HEATR5B: variants seen among roughly 807,000 people sequenced by gnomAD.
HEATR5B encodes HEAT repeat-containing protein 5B.
HEATR5B carries 156 observed loss-of-function variants against 224.1 expected under a neutral mutation model. The ratio of observed to expected loss-of-function variants is 0.70; its 90% confidence interval spans 0.61 to 0.80. The LOEUF is 0.80. Among genes scored for constraint, HEATR5B ranks in the 30% least tolerant of loss-of-function variants. The pLI, the probability that HEATR5B is intolerant of heterozygous loss-of-function variation, is 0.00. For synonymous variants in HEATR5B, 1,027 were observed against 893.0 expected (o/e 1.15, Z -2.68); for missense variants, 2,323 against 2,535.5 (o/e 0.92, Z 1.80).
intron 33 of HEATR5B, among the ~76,000 whole-genome samples, chr2:36,992,600 A>G (rs1187596365): frequency 1.3e-5 from 2 of 152,148 alleles, no homozygotes; most frequent in African/African-American, 4.8e-5. Flanking sequence ...CAAACAAACA[A>G]AAAACCTAAA....
At chr2:37,013,627 G>T (rs561224622) in intron 27 of HEATR5B, among the ~76,000 whole-genome samples, 3 of 152,264 alleles carry the variant, frequency 2.0e-5, no homozygotes, top group Admixed American at 6.5e-5. Context: ...TTATATTTTT[G>T]AGTTTTTCCT....
intron 26 of HEATR5B, among the ~76,000 whole-genome samples, chr2:37,019,458 CTCTT>C (rs1385796557): frequency 4.0e-5 from 6 of 150,928 alleles, no homozygotes; most frequent in Admixed American, 6.6e-5. Context: ...TTTCCTCTCT[CTCTT>C]TTTTTTTTTT....
rs975910121 is a variant in HEATR5B, at chr2:37,007,272, T to C, written c.4555A>G (p.Thr1519Ala). 1.2e-6 allele frequency: 2 copies of C among 1,613,676 alleles called. No individual in the cohort carries two copies. Among genetic ancestry groups the C allele is most frequent in the African/African-American group, 2.7e-5 (2 of 74,752 alleles). Residue 1519 changes from threonine to alanine, a missense_variant, in exon 29 of 36, where the codon ACA becomes GCA. Thr to Ala is a moderately conservative substitution (Grantham distance 58). Coordinates refer to ENST00000233099, the MANE Select transcript of HEATR5B (RefSeq NM_019024.3). ...GAATTCCGATAGTGAAGTCTAGCTG[T>C]ATCAATAGTTTCAGGGGTATAAAAT... The part of the protein sequence containing the change: ...GAFYTPETID[T>A]ARLHYRNSWA...
intron 3 of HEATR5B, among the ~76,000 whole-genome samples, chr2:37,077,510 G>A (rs928610330): frequency 7.2e-5 from 11 of 152,164 alleles, no homozygotes; most frequent in African/African-American, 2.7e-4. Context: ...GTTTCACCAC[G>A]TTAGCCAGGC....
intron 35 of HEATR5B, among the ~76,000 whole-genome samples, chr2:36,986,010 T>C (rs1271082387): frequency 6.6e-6 from 1 of 152,148 alleles, no homozygotes; most frequent in East Asian, 1.9e-4. Context: ...CTATCTGTCC[T>C]CATGCTAAAT....
intron 24 of HEATR5B, among the ~76,000 whole-genome samples, chr2:37,022,970 G>C (rs143488269): frequency 1.2e-3 from 175 of 151,910 alleles, no homozygotes; most frequent in African/African-American, 4.0e-3. Context: ...AAGAGAGAGA[G>C]AGAAAAAAAT....
intron 27 of HEATR5B, among the ~76,000 whole-genome samples, chr2:37,013,327 A>T (rs1667909333): frequency 6.7e-6 from 1 of 149,160 alleles, no homozygotes; most frequent in African/African-American, 2.4e-5. Flanking sequence ...AATGAATTTA[A>T]AACAATGTAA....
At chr2:37,035,159 G>A (rs1402768005) in intron 21 of HEATR5B, among the ~76,000 whole-genome samples, 1 of 152,130 alleles carries the variant, frequency 6.6e-6, no homozygotes, top group Non-Finnish European at 1.5e-5. Flanking sequence ...ATGGTGACTG[G>A]CAAAGCCTAA....
At position 37,057,614 on chromosome 2, in the gene HEATR5B, C is replaced by A. The variant is rs114963094; in HGVS notation, c.2060-134G>T. The A allele has an allele frequency of 3.4e-5, 19 of 565,122 alleles. No individual in the cohort carries two copies. In the East Asian group the frequency reaches 4.8e-4, roughly 14 times the overall value. 35.0% of individuals were successfully genotyped at this position (565,122 alleles called of 1,614,324 possible). ...CTCTGTTCTCTTCTTTAAAAAAAAT[C>A]TATATTTAAATGCTGGTTTTAATAT... On this transcript the variant is annotated intron_variant, in intron 14 of 35. Transcript: ENST00000233099.
intron 33 of HEATR5B, 77 bp downstream of exon 33, chr2:37,000,509 A>C (rs1054154244): frequency 8.8e-7 from 1 of 1,141,382 alleles, no homozygotes; most frequent in African/African-American, 1.5e-5. Flanking sequence ...CAGTTTTCTG[A>C]TAAGCTTATT....
Position 37,020,810 on chromosome 2 carries a change from CAG to C in HEATR5B, c.3878_3879del (p.Ser1293Ter). The C allele has an allele frequency of 6.4e-7, 1 of 1,569,670 alleles. No individual in the cohort carries two copies. Among genetic ancestry groups the C allele is most frequent in the Admixed American group, 2.2e-5 (1 of 46,504 alleles). The stretch of plus-strand genomic sequence containing the variant: ...GCCATGAATGCCATGCGAATGAGGT[CAG>C]AGAGATGAAGTACCAAGAGGTCATC... Reference protein sequence around the residue: ...PTNDLLVLHLSDLIRMAFMAA... With the variant: ...PTNDLLVLHLXDLIRMAFMAA... On this transcript the variant is annotated frameshift_variant, in exon 25 of 36. Transcript: ENST00000233099. LOFTEE classifies it high-confidence loss of function.
chr2:37,028,559 A>C (rs533823567), intron 23 of HEATR5B, 122 bp downstream of exon 23: 2 of 710,400 alleles, frequency 2.8e-6, no homozygotes, highest in African/African-American at 3.6e-5. Context: ...TGTAGATCAA[A>C]AGTTATTACT....
At chr2:37,041,315 A>G in intron 18 of HEATR5B, 23 bp from the exon 19 acceptor site, 2 of 1,610,754 alleles carry the variant, frequency 1.2e-6, no homozygotes, top group Non-Finnish European at 1.7e-6. Flanking sequence ...TTATGCTTCA[A>G]GCACTAACTT....
In HEATR5B at chr2:36,981,710, G is replaced by A; in HGVS notation, c.5996C>T (p.Ser1999Phe). 1 of 1,614,076 alleles carries A rather than the reference G, an allele frequency of 6.2e-7. No homozygotes were observed. Among genetic ancestry groups the A allele is most frequent in the Non-Finnish European group, 8.5e-7 (1 of 1,180,000 alleles). Reference sequence around the variant, plus strand: ...GAGTGCAAACTCATGAAGATCTTTGGAAGCTGAACTTGCTGAGGCAAAAGA... The same window carrying A: ...GAGTGCAAACTCATGAAGATCTTTGAAAGCTGAACTTGCTGAGGCAAAAGA... The part of the protein sequence containing the change: ...ENSFASASSA[S>F]KDLHEFALQN... The change falls in exon 36 of 36, where the codon TCC becomes TTC. Residue 1999 changes from serine to phenylalanine, a missense_variant. Ser to Phe is a radical substitution (Grantham distance 155). Transcript: ENST00000233099.
chr2:37,036,105 G>A (rs1329631308), intron 21 of HEATR5B, among the ~76,000 whole-genome samples: 1 of 152,042 alleles, frequency 6.6e-6, no homozygotes, highest in Non-Finnish European at 1.5e-5. Context: ...CTTCTTCCGA[G>A]AATACCGTAA....
In HEATR5B at chr2:37,016,301, C is replaced by T. The variant is rs576883181; in HGVS notation, c.4105-2281G>A. Among the ~76,000 whole-genome samples the T allele has an allele frequency of 6.6e-4, 101 of 152,038 alleles. 1 individual carries two copies. Among genetic ancestry groups the T allele is most frequent in the African/African-American group, 2.3e-3 (96 of 41,498 alleles). The stretch of plus-strand genomic sequence containing the variant: ...CTAATTTTTGTATTTTTAGTAGAGA[C>T]GGGGTTTCACCACGTTAGCCAGGAT... On this transcript the variant is annotated intron_variant, in intron 26 of 35. Transcript: ENST00000233099.
chr2:37,014,156 C>T (rs753719394), intron 26 of HEATR5B, 136 bp from the exon 27 acceptor site: 2 of 442,296 alleles, frequency 4.5e-6, no homozygotes, highest in Non-Finnish European at 8.0e-6. Context: ...CAATGCTATG[C>T]TTTGATATTA....
chr2:36,987,760 T>C (rs569994402), intron 35 of HEATR5B, among the ~76,000 whole-genome samples: 2 of 152,094 alleles, frequency 1.3e-5, no homozygotes, highest in African/African-American at 4.8e-5. Context: ...TTATGAAGAT[T>C]AGAATATATT....
At chr2:37,077,247 A>G (rs1384681024) in intron 3 of HEATR5B, among the ~76,000 whole-genome samples, 2 of 152,216 alleles carry the variant, frequency 1.3e-5, no homozygotes, top group Non-Finnish European at 2.9e-5. Context: ...TTAGGAATAC[A>G]AAAGAATCTA....
Sources: allele counts gnomAD v4.1 joint callset (sites outside exome capture counted in the v4.1 genomes callset), GRCh38; gene constraint gnomAD v4.1.1; transcripts MANE v1.5; gene names NCBI Gene and HGNC (gene_info 2026-07-23, HGNC 2026-07-21).